LOXHD1: variants seen among roughly 807,000 people sequenced by gnomAD.
The protein encoded by LOXHD1 is lipoxygenase homology domain-containing protein 1.
In LOXHD1, 205 loss-of-function variants were observed where a neutral mutation model predicts 248.2. That is an observed-to-expected ratio of 0.83 (90% CI 0.74 to 0.93). The LOEUF is 0.93. Ranked by LOEUF, LOXHD1 falls within the 40% of genes least tolerant of loss-of-function variation. LOXHD1 has a pLI of 0.00. For missense variants in LOXHD1, 2,930 were observed against 2,971.6 expected (o/e 0.99, Z 0.33); for synonymous variants, 1,113 against 1,162.8 (o/e 0.96, Z 0.87).
chr18:46,547,502 G>T (rs1403585277), intron 21 of LOXHD1, among the ~76,000 whole-genome samples: 1 of 152,184 alleles, frequency 6.6e-6, no homozygotes, highest in African/African-American at 2.4e-5. Context: ...AATTATGTCT[G>T]CTTTCAGAAG....
At chr18:46,640,482 T>C (rs1206747818) in intron 3 of LOXHD1, among the ~76,000 whole-genome samples, 3 of 152,216 alleles carry the variant, frequency 2.0e-5, no homozygotes, top group Non-Finnish European at 4.4e-5. Flanking sequence ...GAGTCACACA[T>C]GTGAGCCACA....
At chr18:46,559,703 G>T in intron 19 of LOXHD1, 101 bp from the exon 20 acceptor site, 3 of 1,276,090 alleles carry the variant, frequency 2.4e-6, no homozygotes, top group East Asian at 2.5e-5. Context: ...AGAACAGAGG[G>T]ATCTTCAGAT....
chr18:46,550,390 G>GGT (rs796803120), intron 21 of LOXHD1, among the ~76,000 whole-genome samples: 35 of 151,654 alleles, frequency 2.3e-4, no homozygotes, highest in African/African-American at 7.7e-4. Flanking sequence ...TGGCTAACAA[G>GGT]GTGAAACCCC....
intron 29 of LOXHD1, among the ~76,000 whole-genome samples, chr18:46,525,593 C>T (rs1316968939): frequency 6.6e-6 from 1 of 152,084 alleles, no homozygotes; most frequent in African/African-American, 2.4e-5. Flanking sequence ...AGTGGACATT[C>T]CACTCTTGTG....
intron 15 of LOXHD1, among the ~76,000 whole-genome samples, chr18:46,571,161 G>C (rs1052550007): frequency 1.3e-5 from 2 of 152,182 alleles, no homozygotes; most frequent in African/African-American, 4.8e-5. Context: ...GACCTTAGAA[G>C]AGGTCAGATA....
intron 38 of LOXHD1, among the ~76,000 whole-genome samples, chr18:46,488,317 A>G (rs893468363): frequency 2.6e-5 from 4 of 152,224 alleles, no homozygotes; most frequent in African/African-American, 9.7e-5. Flanking sequence ...TATAGGAGTG[A>G]AAAATGTTTT....
chr18:46,483,737 G>A lies in LOXHD1; in HGVS notation c.6191C>T (p.Thr2064Ile). 6.5e-7 allele frequency: 1 copy of A among 1,545,236 alleles called. No individual in the cohort carries two copies. The highest frequency in any genetic ancestry group is 8.8e-7 in the Non-Finnish European group (1 of 1,142,748). The stretch of plus-strand genomic sequence containing the variant: ...GATGCTGTCAAACTCAAACGTGTCT[G>A]TGGTCCCCCTGCAGGAAACAAAAGT... ...SRQRAFRKGTTDTFEFDSIYL... is the reference protein window; with the variant it reads ...SRQRAFRKGTIDTFEFDSIYL... Residue 2064 changes from threonine (T) to isoleucine (I), a missense_variant, in exon 40 of 41, where the codon ACA becomes ATA. Physicochemically the swap from Thr to Ile is moderately conservative, Grantham distance 89. Transcript: ENST00000642948.
At chr18:46,496,008 G>A (rs977428407) in intron 37 of LOXHD1, among the ~76,000 whole-genome samples, 1 of 152,134 alleles carries the variant, frequency 6.6e-6, no homozygotes, top group Non-Finnish European at 1.5e-5. Flanking sequence ...CTCCAGCCTG[G>A]GTGACAGAGT....
chr18:46,597,816 G>A (rs1158628141), intron 8 of LOXHD1, among the ~76,000 whole-genome samples: 2 of 151,854 alleles, frequency 1.3e-5, no homozygotes, highest in East Asian at 1.9e-4. Context: ...GAGCGCAGTG[G>A]CGCAATCTCA....
At chr18:46,510,679 A>G (rs750885816) in intron 34 of LOXHD1, among the ~76,000 whole-genome samples, 3 of 152,210 alleles carry the variant, frequency 2.0e-5, no homozygotes, top group Non-Finnish European at 4.4e-5. Flanking sequence ...TTAAAAACAG[A>G]GGCCATAGCT....
rs1415589765 is a variant in LOXHD1 at position 46,546,892 on chromosome 18, A to C, written c.3514+3T>G. ...GAAAGAAATCAGCTCTAGTTTAGAA[A>C]ACCTTTCTGCTCCAGGGCCAGGTTG... On this transcript the variant is annotated splice_donor_region_variant and intron_variant, in intron 22 of 40. Coordinates refer to ENST00000642948, the MANE Select transcript of LOXHD1 (RefSeq NM_001384474.1). 6.5e-7 allele frequency: 1 copy of C among 1,548,182 alleles called. No homozygotes were observed. The highest frequency in any genetic ancestry group is 8.7e-7 in the Non-Finnish European group (1 of 1,144,114).
rs374269964 is a variant in LOXHD1, at chr18:46,507,565, C to T, written c.5665G>A (p.Val1889Ile). 78 of 1,551,742 alleles carry T rather than the reference C, an allele frequency of 5.0e-5. No homozygotes were observed. The Middle Eastern group carries it at 1.3e-3, about 27-fold the overall frequency. ...AGGATGTCGCTGGTCTTAACTGCGA[C>T]GGTGTAGGAGGTCCACTCCATCATT... Reference protein sequence around the residue: ...EEMMEWTSYTVAVKTSDILGA... With the variant: ...EEMMEWTSYTIAVKTSDILGA... The change falls in exon 36 of 41, where the codon GTC becomes ATC. Residue 1889 changes from valine to isoleucine, a missense_variant. Coordinates refer to ENST00000642948, the MANE Select transcript of LOXHD1 (RefSeq NM_001384474.1).
At chr18:46,498,930 CTCAG>C (rs2034046892) in intron 37 of LOXHD1, among the ~76,000 whole-genome samples, 2 of 152,120 alleles carry the variant, frequency 1.3e-5, no homozygotes, top group Non-Finnish European at 1.5e-5. Flanking sequence ...CTAGAAACCC[CTCAG>C]TCACCTACAG....
chr18:46,480,908 T>A (rs1322899237), intron 40 of LOXHD1, among the ~76,000 whole-genome samples: 1 of 152,146 alleles, frequency 6.6e-6, no homozygotes. Context: ...GGATAAACAA[T>A]AAAGGTGTTT....
At chr18:46,607,470 CA>C (rs1276163916) in intron 6 of LOXHD1, among the ~76,000 whole-genome samples, 1 of 149,298 alleles carries the variant, frequency 6.7e-6, no homozygotes, top group African/African-American at 2.5e-5. Flanking sequence ...TAATATGATA[CA>C]TATATATAGG....
chr18:46,575,218 C>T (rs947855171), intron 14 of LOXHD1, among the ~76,000 whole-genome samples: 1 of 152,106 alleles, frequency 6.6e-6, no homozygotes, highest in African/African-American at 2.4e-5. Flanking sequence ...AAGGCAAAAG[C>T]CTGGGGCTTT....
At chr18:46,581,975 G>T (rs1303878562) in intron 12 of LOXHD1, among the ~76,000 whole-genome samples, 26 of 152,034 alleles carry the variant, frequency 1.7e-4, no homozygotes, top group Admixed American at 1.7e-3. Flanking sequence ...AAGAAATTAG[G>T]GTATTCCCAG....
At chr18:46,607,290 CAT>C (rs748099482) in intron 6 of LOXHD1, among the ~76,000 whole-genome samples, 3 of 149,974 alleles carry the variant, frequency 2.0e-5, no homozygotes, top group African/African-American at 7.3e-5. Context: ...ATTATGACAC[CAT>C]ATATATATGG....
intron 21 of LOXHD1, among the ~76,000 whole-genome samples, chr18:46,550,462 A>G (rs931365244): frequency 2.7e-5 from 4 of 150,038 alleles, no homozygotes; most frequent in African/African-American, 4.9e-5. Context: ...AGTCCCAGCT[A>G]CTCGGGAGGC....
Sources: gnomAD v4.1 joint callset for allele counts (sites outside exome capture counted in the v4.1 genomes callset) on GRCh38, gnomAD v4.1.1 for gene constraint, MANE v1.5 for transcripts, NCBI Gene and HGNC (gene_info 2026-07-23, HGNC 2026-07-21) for gene names.